SLC22A23: variants seen among roughly 807,000 people sequenced by gnomAD.
The protein encoded by SLC22A23 is solute carrier family 22 member 23.
SLC22A23 carries 26 observed loss-of-function variants against 61.0 expected under a neutral mutation model. The observed-to-expected ratio is 0.43, with a 90% CI of 0.31 to 0.59. SLC22A23 has a LOEUF of 0.59. Ranked by LOEUF, SLC22A23 falls within the 20% of genes least tolerant of loss-of-function variation. The pLI is 0.11. For synonymous variants in SLC22A23, 430 were observed against 413.9 expected, an observed-to-expected ratio of 1.04 and a Z score of -0.47; for missense variants, 796 against 934.7, an observed-to-expected ratio of 0.85 and a Z score of 1.94.
chr6:3,453,256 A>T (rs975339120), intron 1 of SLC22A23, among the ~76,000 whole-genome samples: 19 of 152,240 alleles, frequency 1.2e-4, no homozygotes, highest in Non-Finnish European at 1.3e-4. Context: ...TTTTTAAAAA[A>T]AATTATTCTG....
chr6:3,400,932 C>T (rs1768343780), intron 3 of SLC22A23, among the ~76,000 whole-genome samples: 2 of 152,210 alleles, frequency 1.3e-5, no homozygotes. Flanking sequence ...TAGGCATTAC[C>T]GACTTGCCTT....
chr6:3,442,242 A>G (rs998074611), intron 1 of SLC22A23, among the ~76,000 whole-genome samples: 2 of 152,248 alleles, frequency 1.3e-5, no homozygotes, highest in African/African-American at 4.8e-5. Context: ...GGCAGAAGGT[A>G]GCGTGGGGTT....
rs549265297 is a variant in SLC22A23 at position 3,324,770 on chromosome 6, C to T, written c.914-768G>A. ...CGGGCAAGGCCCATGTCTAATTCAT[C>T]TTTGTAGCTCCAAAACCAAAAACAG... is the stretch of plus-strand genomic sequence containing the variant. On this transcript the variant is annotated intron_variant, in intron 3 of 9. Transcript: ENST00000406686. The surrounding 1 kb of genome is among the most constrained non-coding windows in gnomAD (Gnocchi z 4.3). 6.6e-6 allele frequency among the ~76,000 whole-genome samples: 1 copy of T among 152,358 alleles called. No homozygotes were observed. Among genetic ancestry groups the T allele is most frequent in the East Asian group, 1.9e-4 (1 of 5,192 alleles).
At chr6:3,283,547 T>C (rs567065657) in intron 9 of SLC22A23, 465 of 374,452 alleles carry the variant, frequency 1.2e-3, no homozygotes, top group African/African-American at 8.9e-3. Context: ...GCGGCATAAG[T>C]GATCCGCTGC....
chr6:3,421,890 C>T (rs1401673784), intron 1 of SLC22A23, among the ~76,000 whole-genome samples: 3 of 152,228 alleles, frequency 2.0e-5, no homozygotes, highest in East Asian at 1.9e-4. Flanking sequence ...GAACAAACCA[C>T]GTCTTCACAG....
In SLC22A23 at chr6:3,309,184, C is replaced by A. The variant is rs1403422513; in HGVS notation, c.1083-10966G>T. Among the ~76,000 whole-genome samples, 1 of 151,936 alleles carries A rather than the reference C, an allele frequency of 6.6e-6. No individual in the cohort carries two copies. The highest frequency in any genetic ancestry group is 1.5e-5 in the Non-Finnish European group (1 of 68,008). On this transcript the variant is annotated intron_variant, in intron 4 of 9. Coordinates refer to ENST00000406686, the MANE Select transcript of SLC22A23 (RefSeq NM_015482.2). This position sits in a 1 kb window ranked among gnomAD's most constrained non-coding sequence, Gnocchi z 4.7. Reference sequence around the variant, plus strand: ...AGCATGGTGGCGGCTGCCTATAATCCCAGCTATTCAGGAGGCTGAGACAGG... The same window carrying A: ...AGCATGGTGGCGGCTGCCTATAATCACAGCTATTCAGGAGGCTGAGACAGG...
At chr6:3,440,832 T>C (rs186120664) in intron 1 of SLC22A23, among the ~76,000 whole-genome samples, 20 of 152,286 alleles carry the variant, frequency 1.3e-4, no homozygotes, top group Admixed American at 6.5e-4. Flanking sequence ...CCAATCCTGC[T>C]GAACCTTGGT....
chr6:3,442,689 T>A (rs1771673281), intron 1 of SLC22A23, among the ~76,000 whole-genome samples: 1 of 152,206 alleles, frequency 6.6e-6, no homozygotes, highest in African/African-American at 2.4e-5. Context: ...CTGGGATGCT[T>A]GTGGCTGTTT....
chr6:3,352,755 A>C (rs1764850263), intron 3 of SLC22A23, among the ~76,000 whole-genome samples: 1 of 152,208 alleles, frequency 6.6e-6, no homozygotes, highest in Admixed American at 6.5e-5. Context: ...AGGTGTTCAA[A>C]AAGCAGAGAA....
At chr6:3,400,817 A>G (rs1414719875) in intron 3 of SLC22A23, among the ~76,000 whole-genome samples, 2 of 152,258 alleles carry the variant, frequency 1.3e-5, no homozygotes, top group African/African-American at 4.8e-5. Context: ...CTGGAACATC[A>G]GAACAAAACT....
intron 1 of SLC22A23, among the ~76,000 whole-genome samples, chr6:3,435,009 C>G (rs1306193465): frequency 1.3e-5 from 2 of 152,196 alleles, no homozygotes; most frequent in Non-Finnish European, 2.9e-5. Context: ...CCCATCCACA[C>G]TGCTCCATAG....
At chr6:3,389,744 T>C (rs1189030228) in intron 3 of SLC22A23, among the ~76,000 whole-genome samples, 2 of 152,204 alleles carry the variant, frequency 1.3e-5, no homozygotes, top group Non-Finnish European at 2.9e-5. Flanking sequence ...GAAGTTATCC[T>C]TCCTGACTTA....
At chr6:3,423,018 G>A (rs183090276) in intron 1 of SLC22A23, among the ~76,000 whole-genome samples, 38 of 151,638 alleles carry the variant, frequency 2.5e-4, no homozygotes, top group African/African-American at 9.0e-4. Context: ...CGATTCATTC[G>A]AACCCTTAAG....
At chr6:3,274,483 AC>A (rs1758715859) in intron 9 of SLC22A23, among the ~76,000 whole-genome samples, 1 of 151,994 alleles carries the variant, frequency 6.6e-6, no homozygotes, top group Non-Finnish European at 1.5e-5. Flanking sequence ...CTCGTTAGGC[AC>A]CCCCTTGAAG....
At position 3,304,631 on chromosome 6, in the gene SLC22A23, G is replaced by A. The variant is rs940412887; in HGVS notation, c.1083-6413C>T. ...AGTTGGATAGAAGCCCGCATGGCGT[G>A]GGTTGTAGTGGGGGCAGTCCCAGGC... On this transcript the variant is annotated intron_variant, in intron 4 of 9. Transcript: ENST00000406686. This position sits in a 1 kb window ranked among gnomAD's most constrained non-coding sequence, Gnocchi z 4.3. 6.6e-6 allele frequency among the ~76,000 whole-genome samples: 1 copy of A among 151,476 alleles called. No homozygotes were observed. The highest frequency in any genetic ancestry group is 1.5e-5 in the Non-Finnish European group (1 of 67,604).
intron 1 of SLC22A23, among the ~76,000 whole-genome samples, chr6:3,433,096 G>C (rs1228824231): frequency 1.3e-5 from 2 of 152,170 alleles, no homozygotes; most frequent in Admixed American, 6.5e-5. Flanking sequence ...TTACAAAAAG[G>C]GAGGATAAAT....
intron 4 of SLC22A23, chr6:3,323,418 C>G (rs1763082160): frequency 6.7e-6 from 3 of 449,906 alleles, no homozygotes; most frequent in East Asian, 6.9e-5. Context: ...TTGCCCACCC[C>G]TCGCCTAGAA....
At chr6:3,279,130 T>C (rs1007097973) in intron 9 of SLC22A23, among the ~76,000 whole-genome samples, 1 of 152,228 alleles carries the variant, frequency 6.6e-6, no homozygotes, top group Non-Finnish European at 1.5e-5. Context: ...ATACATAATA[T>C]GCAACAAATG....
At chr6:3,406,519 C>T (rs1212734417) in intron 3 of SLC22A23, among the ~76,000 whole-genome samples, 7 of 135,700 alleles carry the variant, frequency 5.2e-5, no homozygotes, top group Non-Finnish European at 1.1e-4. Context: ...GTCAGTTTTT[C>T]GACTGCCTGT....
Sources: allele counts gnomAD v4.1 joint callset (sites outside exome capture counted in the v4.1 genomes callset), GRCh38; gene constraint gnomAD v4.1.1; non-coding constraint Gnocchi (gnomAD v3.1); transcripts MANE v1.5; gene names NCBI Gene and HGNC (gene_info 2026-07-23, HGNC 2026-07-21).